Variants in KIFAP3 observed in about 807,000 individuals in gnomAD.
The protein encoded by KIFAP3 is kinesin-associated protein 3.
A neutral mutation model predicts 106.5 loss-of-function variants in KIFAP3; 68 were observed. The ratio of observed to expected loss-of-function variants is 0.64; its 90% confidence interval spans 0.53 to 0.78. The LOEUF is 0.78. Among genes scored for constraint, KIFAP3 ranks in the 30% least tolerant of loss-of-function variants. The pLI is 0.00. For missense variants in KIFAP3, 780 were observed against 941.8 expected (o/e 0.83, Z 2.25); for synonymous variants, 320 against 311.5 (o/e 1.03, Z -0.29).
chr1:169,982,350 C>T (rs1019449839), intron 14 of KIFAP3, among the ~76,000 whole-genome samples: 12 of 151,974 alleles, frequency 7.9e-5, no homozygotes, highest in Non-Finnish European at 1.3e-4. Flanking sequence ...ACAACATAGA[C>T]ACAGAAAATA....
At chr1:169,962,400 G>C (rs554980802) in intron 17 of KIFAP3, among the ~76,000 whole-genome samples, 1 of 152,268 alleles carries the variant, frequency 6.6e-6, no homozygotes, top group African/African-American at 2.4e-5. Context: ...CTACTACTGA[G>C]TAGTGTATTG....
chr1:170,058,841 C>T (rs537279396), intron 1 of KIFAP3, among the ~76,000 whole-genome samples: 77 of 152,120 alleles, frequency 5.1e-4, no homozygotes, highest in Non-Finnish European at 5.9e-4. Flanking sequence ...AGGTGCTCTT[C>T]AGTAATTATT....
intron 9 of KIFAP3, chr1:170,023,938 G>A (rs1018965931): frequency 1.3e-5 from 2 of 152,108 alleles, no homozygotes; most frequent in African/African-American, 4.8e-5. Flanking sequence ...ACAGTTTCAA[G>A]AGATTTTTAA....
intron 4 of KIFAP3, 132 bp from the exon 5 acceptor site, chr1:170,038,563 C>G: frequency 1.1e-6 from 1 of 876,350 alleles, no homozygotes; most frequent in Non-Finnish European, 1.8e-6. Flanking sequence ...TAGTAGCCAT[C>G]TTTTTGGATA....
chr1:169,955,275 G>A (rs899094375), intron 18 of KIFAP3, among the ~76,000 whole-genome samples: 5 of 152,156 alleles, frequency 3.3e-5, no homozygotes, highest in African/African-American at 1.2e-4. Context: ...GCTAGGTCCT[G>A]TGGGAAATGT....
At chr1:170,011,438 T>C (rs911507239) in intron 10 of KIFAP3, among the ~76,000 whole-genome samples, 34 of 151,540 alleles carry the variant, frequency 2.2e-4, no homozygotes, top group African/African-American at 8.0e-4. Context: ...AAAAGGTAAA[T>C]ACTGTTTTGT....
chr1:169,940,656 G>A (rs957998687), intron 19 of KIFAP3, among the ~76,000 whole-genome samples: 8 of 152,286 alleles, frequency 5.3e-5, no homozygotes, highest in African/African-American at 1.9e-4. Context: ...TAGGCAGTAA[G>A]GTTTGCTGGC....
chr1:170,062,215 CAAA>C (rs112112967), intron 1 of KIFAP3, among the ~76,000 whole-genome samples: 2 of 85,294 alleles, frequency 2.3e-5, no homozygotes, highest in Non-Finnish European at 2.6e-5. Context: ...GAGATACCAT[CAAA>C]AAAAAAAAAA....
chr1:170,046,869 G>GTT lies in KIFAP3; in HGVS notation c.165-4_165-3insAA. On this transcript the variant is annotated splice_polypyrimidine_tract_variant and splice_region_variant and intron_variant, in intron 2 of 19. Transcript: ENST00000361580. ...CATTGAGACTCTTAAGTCGAATGCTGTAAGTATAACAGAATTTTTCAACTC... is the reference window on the plus strand; with the variant it reads ...CATTGAGACTCTTAAGTCGAATGCTGTTTAAGTATAACAGAATTTTTCAACTC... 1 of 1,584,708 alleles carries GTT rather than the reference G, an allele frequency of 6.3e-7. No individual in the cohort carries two copies. The highest frequency in any genetic ancestry group is 1.2e-5 in the South Asian group (1 of 85,408).
intron 3 of KIFAP3, chr1:170,042,042 C>T (rs1670007761): frequency 5.8e-6 from 1 of 171,908 alleles, no homozygotes; most frequent in Admixed American, 6.5e-5. Context: ...AGCAGAAGTT[C>T]AATGTGCCTA....
intron 12 of KIFAP3, among the ~76,000 whole-genome samples, chr1:169,983,934 G>T (rs138457191): frequency 2.0e-5 from 3 of 151,754 alleles, no homozygotes; most frequent in Admixed American, 1.3e-4. Flanking sequence ...AGACAATTTT[G>T]CAGTTATTAA....
At chr1:170,048,630 G>C (rs917585214) in intron 2 of KIFAP3, among the ~76,000 whole-genome samples, 1 of 151,548 alleles carries the variant, frequency 6.6e-6, no homozygotes, top group African/African-American at 2.4e-5. Context: ...ACTTCCAACT[G>C]AGGTACCCAG....
At chr1:170,044,548 A>G (rs997053791) in intron 3 of KIFAP3, among the ~76,000 whole-genome samples, 2 of 152,186 alleles carry the variant, frequency 1.3e-5, no homozygotes, top group Admixed American at 6.5e-5. Context: ...AAGGACATAA[A>G]ATGATCATGA....
In KIFAP3 at chr1:170,014,784, A is replaced by G. The variant is rs532711981; in HGVS notation, c.1183+1678T>C. Among the ~76,000 whole-genome samples the G allele has an allele frequency of 3.3e-5, 5 of 152,304 alleles. No homozygotes were observed. In the East Asian group the frequency reaches 7.7e-4, roughly 23 times the overall value. ...TAACATAAGTCAGCAACATTTATAGAATGTCTACTTCATAACGATGATGAT... is the reference window on the plus strand; with the variant it reads ...TAACATAAGTCAGCAACATTTATAGGATGTCTACTTCATAACGATGATGAT... On this transcript the variant is annotated intron_variant, in intron 10 of 19. Coordinates refer to ENST00000361580, the MANE Select transcript of KIFAP3 (RefSeq NM_014970.4).
chr1:170,041,103 G>A (rs1011969708), intron 3 of KIFAP3, among the ~76,000 whole-genome samples: 8 of 152,042 alleles, frequency 5.3e-5, no homozygotes, highest in South Asian at 2.1e-4. Flanking sequence ...CATTATAGGC[G>A]TGAGCCACCA....
intron 11 of KIFAP3, among the ~76,000 whole-genome samples, chr1:169,984,964 T>G (rs1443428392): frequency 6.6e-6 from 1 of 151,774 alleles, no homozygotes; most frequent in African/African-American, 2.4e-5. Flanking sequence ...TGTCCTTAAA[T>G]AATTAAACAT....
chr1:170,005,600 C>T (rs1304772178), intron 10 of KIFAP3, among the ~76,000 whole-genome samples: 2 of 149,904 alleles, frequency 1.3e-5, no homozygotes, highest in Admixed American at 1.3e-4. Context: ...ACCAAACTAT[C>T]GCAAGTACAA....
intron 18 of KIFAP3, among the ~76,000 whole-genome samples, chr1:169,956,607 GTTC>G (rs1302129008): frequency 2.0e-4 from 26 of 130,088 alleles, no homozygotes; most frequent in African/African-American, 7.1e-4. Flanking sequence ...TACCACTGAA[GTTC>G]TTTTTTTTTT....
In KIFAP3 at chr1:169,984,691, C is replaced by T; in HGVS notation, c.1285-1G>A. 1 of 1,559,578 alleles carries T rather than the reference C, an allele frequency of 6.4e-7. No individual in the cohort carries two copies. The highest frequency in any genetic ancestry group is 8.8e-7 in the Non-Finnish European group (1 of 1,134,816). Reference sequence around the variant, plus strand: ...AACATTCAAACAGCATCTTCATTAACTAGCAAGAAGCACAGGGCACATTTT... The same window carrying T: ...AACATTCAAACAGCATCTTCATTAATTAGCAAGAAGCACAGGGCACATTTT... On this transcript the variant is annotated splice_acceptor_variant, in intron 11 of 19. Coordinates refer to ENST00000361580, the MANE Select transcript of KIFAP3 (RefSeq NM_014970.4). LOFTEE classifies it high-confidence loss of function.
Sources: allele counts gnomAD v4.1 joint callset (sites outside exome capture counted in the v4.1 genomes callset), GRCh38; gene constraint gnomAD v4.1.1; transcripts MANE v1.5; gene names NCBI Gene and HGNC (gene_info 2026-07-23, HGNC 2026-07-21).